Variants in IGSF11 observed in about 807,000 individuals in gnomAD.
IGSF11 encodes the protein CXADR like 1.
A neutral mutation model predicts 41.0 loss-of-function variants in IGSF11; 22 were observed. The ratio of observed to expected loss-of-function variants is 0.54; its 90% CI spans 0.38 to 0.77. The LOEUF (loss-of-function observed/expected upper bound fraction) is 0.77, where lower values mean the gene tolerates loss of function less well. Among genes scored for constraint, IGSF11 ranks in the 30% least tolerant of loss-of-function variants. IGSF11 has a pLI of 0.00. For synonymous variants in IGSF11, 219 were observed against 201.3 expected (o/e 1.09, Z -0.74); for missense variants, 444 against 530.8 (o/e 0.84, Z 1.61).
intron 1 of IGSF11, among the ~76,000 whole-genome samples, chr3:118,987,026 T>C (rs966133231): frequency 2.0e-5 from 3 of 152,190 alleles, no homozygotes; most frequent in Admixed American, 1.3e-4. Context: ...TATCTAGACA[T>C]CTGTCCACTA....
At chr3:119,084,081 C>CA (rs1056096146) in intron 1 of IGSF11, among the ~76,000 whole-genome samples, 8 of 151,880 alleles carry the variant, frequency 5.3e-5, no homozygotes, top group African/African-American at 1.9e-4. Flanking sequence ...TAGTTTTTAA[C>CA]AAAAAAGTTT....
At chr3:119,014,691 A>C (rs1428263148) in intron 1 of IGSF11, among the ~76,000 whole-genome samples, 1 of 152,224 alleles carries the variant, frequency 6.6e-6, no homozygotes, top group Non-Finnish European at 1.5e-5. Flanking sequence ...AGATCACTTT[A>C]CCTCTCTAGA....
At chr3:119,134,520 C>T (rs2077529770) in intron 1 of IGSF11, among the ~76,000 whole-genome samples, 1 of 152,062 alleles carries the variant, frequency 6.6e-6, no homozygotes, top group African/African-American at 2.4e-5. Flanking sequence ...ATGTGAAGGA[C>T]CTCTTCAAGG....
rs541412341 is a variant in IGSF11, at chr3:118,934,496, C to G, written c.53-4221G>C. 2.6e-5 allele frequency among the ~76,000 whole-genome samples: 4 copies of G among 152,250 alleles called. No individual in the cohort carries two copies. The South Asian group carries it at 8.3e-4, about 32-fold the overall frequency. ...TTGATGCCTTATTCTAAACTATCTC[C>G]CTACAGAATTTCACTTACCATCATG... On this transcript the variant is annotated intron_variant, in intron 1 of 6. Coordinates refer to ENST00000393775, the MANE Select transcript of IGSF11 (RefSeq NM_001015887.3).
chr3:119,137,089 G>A (rs1433353164), intron 1 of IGSF11, among the ~76,000 whole-genome samples: 11 of 152,034 alleles, frequency 7.2e-5, no homozygotes, highest in Non-Finnish European at 1.6e-4. Flanking sequence ...CCAAAAAGTG[G>A]AAAGATATTC....
At chr3:119,026,382 T>C (rs1380629878) in intron 1 of IGSF11, among the ~76,000 whole-genome samples, 4 of 152,178 alleles carry the variant, frequency 2.6e-5, no homozygotes, top group Admixed American at 2.0e-4. Flanking sequence ...GTACAGTCCA[T>C]GGACTGATGC....
In IGSF11 at chr3:119,063,313, T is replaced by G. The variant is rs535311279; in HGVS notation, c.49+41831A>C. 1.5e-3 allele frequency among the ~76,000 whole-genome samples: 236 copies of G among 152,302 alleles called. 1 individual carries two copies. The highest frequency in any genetic ancestry group is 5.1e-3 in the African/African-American group (212 of 41,572). On this transcript the variant is annotated intron_variant, in intron 1 of 6. Coordinates refer to the IGSF11 transcript ENST00000354673. The stretch of plus-strand genomic sequence containing the variant: ...GAAGACATAATTCCTCTACAAAGAC[T>G]GAGGGTTGGCTAGGCAAAGGGAAAG...
Position 118,902,466 on chromosome 3 carries a change from C to CCAGTTT in IGSF11, c.*53_*54insAAACTG. 5 of 878,264 alleles carry CCAGTTT rather than the reference C, an allele frequency of 5.7e-6. No individual in the cohort carries two copies. The highest frequency in any genetic ancestry group is 7.3e-6 in the Non-Finnish European group (4 of 544,878). 54.4% of individuals were successfully genotyped at this position (878,264 alleles called of 1,614,324 possible). Reference sequence around the variant, plus strand: ...CAGCACTCCCCACCCCACCCTCCCCCTTGTATGAGGGCATTCCATTTATTC... The same window carrying CCAGTTT: ...CAGCACTCCCCACCCCACCCTCCCCCCAGTTTTTGTATGAGGGCATTCCATTTATTC... On this transcript the variant is annotated 3_prime_UTR_variant, in exon 7 of 7. Transcript: ENST00000393775.
At chr3:118,952,714 TA>T (rs1559951167) in intron 1 of IGSF11, among the ~76,000 whole-genome samples, 1 of 152,054 alleles carries the variant, frequency 6.6e-6, no homozygotes, top group Non-Finnish European at 1.5e-5. Flanking sequence ...AGAAAACTTG[TA>T]GATACACAAA....
chr3:119,142,797 A>T (rs1376272011), intron 1 of IGSF11, among the ~76,000 whole-genome samples: 1 of 152,212 alleles, frequency 6.6e-6, no homozygotes, highest in Non-Finnish European at 1.5e-5. Flanking sequence ...CTGATACATG[A>T]CAATAAAACT....
intron 1 of IGSF11, 144 bp from the exon 2 acceptor site, chr3:118,930,419 C>A (rs750898559): frequency 8.8e-5 from 62 of 704,090 alleles, no homozygotes; most frequent in Non-Finnish European, 1.3e-4. Flanking sequence ...AACTGCTGAC[C>A]AGTCACTGAG....
At chr3:119,057,550 A>G (rs1941894979) in intron 1 of IGSF11, among the ~76,000 whole-genome samples, 9 of 152,230 alleles carry the variant, frequency 5.9e-5, no homozygotes, top group Admixed American at 5.9e-4. Context: ...ATACTGCCCA[A>G]GGTAATTTAT....
At chr3:119,085,886 A>C (rs1009042200) in intron 1 of IGSF11, among the ~76,000 whole-genome samples, 3 of 152,232 alleles carry the variant, frequency 2.0e-5, no homozygotes, top group African/African-American at 7.2e-5. Flanking sequence ...CAAACAAAGC[A>C]AGGAATGAAT....
chr3:118,904,580 A>C (rs1335060718), intron 6 of IGSF11, 68 bp downstream of exon 6: 1 of 1,152,024 alleles, frequency 8.7e-7, no homozygotes, highest in East Asian at 2.4e-5. Context: ...ATATATCTTA[A>C]CTGACACAAA....
At chr3:118,922,517 C>A (rs1018964461) in intron 4 of IGSF11, among the ~76,000 whole-genome samples, 9 of 152,022 alleles carry the variant, frequency 5.9e-5, no homozygotes, top group African/African-American at 2.2e-4. Context: ...TACATTAGAT[C>A]TCCAGGATTT....
chr3:119,003,380 C>T (rs12386368), intron 1 of IGSF11, among the ~76,000 whole-genome samples: 15 of 149,410 alleles, frequency 1.0e-4, no homozygotes, highest in African/African-American at 1.8e-4. Flanking sequence ...TGGGCTGAGA[C>T]GATGGGGTTT....
intron 1 of IGSF11, among the ~76,000 whole-genome samples, chr3:119,001,218 T>C (rs1936800522): frequency 6.7e-6 from 1 of 150,218 alleles, no homozygotes; most frequent in South Asian, 2.1e-4. Flanking sequence ...CCCTTTCCTC[T>C]CCATATTTCT....
intron 1 of IGSF11, among the ~76,000 whole-genome samples, chr3:118,946,465 G>A (rs1944152331): frequency 1.3e-5 from 2 of 150,706 alleles, no homozygotes; most frequent in Admixed American, 1.3e-4. Flanking sequence ...AAAAGAAGAA[G>A]AAGAGGAGGA....
chr3:118,928,984 T>C (rs879845232), intron 2 of IGSF11, among the ~76,000 whole-genome samples: 7 of 152,154 alleles, frequency 4.6e-5, no homozygotes, highest in Non-Finnish European at 8.8e-5. Flanking sequence ...CCCACCCTAC[T>C]ATCAGTTCAT....
Sources: gnomAD v4.1 joint callset for allele counts (sites outside exome capture counted in the v4.1 genomes callset) on GRCh38, gnomAD v4.1.1 for gene constraint, MANE v1.5 for transcripts, NCBI Gene and HGNC (gene_info 2026-07-23, HGNC 2026-07-21) for gene names.